PRKCE: variants seen among roughly 807,000 people sequenced by gnomAD.
The protein encoded by PRKCE is protein kinase C epsilon.
A neutral mutation model predicts 85.4 loss-of-function variants in PRKCE; 16 were observed. That is an observed-to-expected ratio of 0.19 (90% CI 0.13 to 0.28). PRKCE has a LOEUF of 0.28. Among genes scored for constraint, PRKCE ranks in the 10% least tolerant of loss-of-function variants. The probability of loss-of-function intolerance (pLI) is 1.00; values close to 1 mark genes in which losing one functional copy is unlikely to be tolerated. For synonymous variants in PRKCE, 388 were observed against 371.5 expected (o/e 1.04, Z -0.51); for missense variants, 573 against 975.2 (o/e 0.59, Z 5.49).
chr2:46,136,203 G>C (rs974688892), intron 11 of PRKCE, among the ~76,000 whole-genome samples: 1 of 152,154 alleles, frequency 6.6e-6, no homozygotes, highest in African/African-American at 2.4e-5. Flanking sequence ...TTGCATGCCA[G>C]GGAAGTGAGG....
At chr2:46,060,361 C>G (rs1666987279) in intron 10 of PRKCE, among the ~76,000 whole-genome samples, 1 of 152,138 alleles carries the variant, frequency 6.6e-6, no homozygotes, top group Non-Finnish European at 1.5e-5. Context: ...AGAACCTGCA[C>G]AAGAGAGAAG....
At chr2:45,812,127 C>G (rs1158721492) in intron 1 of PRKCE, among the ~76,000 whole-genome samples, 1 of 152,224 alleles carries the variant, frequency 6.6e-6, no homozygotes, top group Non-Finnish European at 1.5e-5. Context: ...CACCCCACCT[C>G]TCTGAGTAAA....
At chr2:45,940,894 A>T (rs191002512) in intron 2 of PRKCE, among the ~76,000 whole-genome samples, 21 of 85,570 alleles carry the variant, frequency 2.5e-4, no homozygotes, top group African/African-American at 9.3e-4. Context: ...CCCCATCTCT[A>T]TTAAAAATAC....
chr2:45,827,055 C>T (rs1573512283), intron 1 of PRKCE, among the ~76,000 whole-genome samples: 2 of 152,334 alleles, frequency 1.3e-5, no homozygotes, highest in Middle Eastern at 6.8e-3. Context: ...TCTGGCTTCC[C>T]ATCTCACTCA....
At chr2:45,902,422 G>T (rs964325164) in intron 2 of PRKCE, among the ~76,000 whole-genome samples, 1 of 152,210 alleles carries the variant, frequency 6.6e-6, no homozygotes, top group African/African-American at 2.4e-5. Context: ...GGAGGATATT[G>T]CCCACAGGTA....
At chr2:45,790,520 A>T (rs1316537008) in intron 1 of PRKCE, among the ~76,000 whole-genome samples, 1 of 152,158 alleles carries the variant, frequency 6.6e-6, no homozygotes, top group Non-Finnish European at 1.5e-5. Context: ...TATGTGACTG[A>T]GTGGCTGCTC....
At chr2:45,711,919 G>A (rs768231541) in intron 1 of PRKCE, among the ~76,000 whole-genome samples, 14 of 152,010 alleles carry the variant, frequency 9.2e-5, no homozygotes, top group Non-Finnish European at 1.6e-4. Flanking sequence ...CAACACGCCC[G>A]GCCTCCATTA....
chr2:45,773,340 T>C (rs1030102231), intron 1 of PRKCE, among the ~76,000 whole-genome samples: 6 of 152,144 alleles, frequency 3.9e-5, no homozygotes, highest in Admixed American at 3.9e-4. Flanking sequence ...GAGATGATGA[T>C]GGCCGAAGTA....
At chr2:45,979,178 A>G (rs1180775178) in intron 4 of PRKCE, among the ~76,000 whole-genome samples, 168 bp downstream of exon 4, 1 of 152,200 alleles carries the variant, frequency 6.6e-6, no homozygotes, top group Non-Finnish European at 1.5e-5. Context: ...GGGAATATAT[A>G]TGGGAGGCAT....
intron 14 of PRKCE, among the ~76,000 whole-genome samples, chr2:46,168,324 AC>A (rs1406016772): frequency 1.3e-5 from 2 of 152,112 alleles, no homozygotes. Flanking sequence ...CATACAACTC[AC>A]CTGGGAGCAT....
chr2:46,172,961 T>C lies in PRKCE; in HGVS notation c.2068-11774T>C, dbSNP rs574150681. ...TTAACTTAGTGGTATCACTACCCCC[T>C]TGGAGAATCTGATACAGTAAACTCT... On this transcript the variant is annotated intron_variant, in intron 14 of 14. Transcript: ENST00000306156. Among the ~76,000 whole-genome samples the C allele has an allele frequency of 2.6e-5, 4 of 152,318 alleles. No homozygotes were observed. In the East Asian group the frequency reaches 7.7e-4, roughly 29 times the overall value.
At chr2:46,039,605 A>G (rs1277929656) in intron 10 of PRKCE, among the ~76,000 whole-genome samples, 1 of 152,138 alleles carries the variant, frequency 6.6e-6, no homozygotes, top group Admixed American at 6.5e-5. Context: ...TATTAAAAAA[A>G]AAATTAAATT....
intron 11 of PRKCE, among the ~76,000 whole-genome samples, chr2:46,115,791 CA>C (rs768765417): frequency 4.5e-4 from 69 of 152,326 alleles, no homozygotes; most frequent in African/African-American, 1.6e-3. Context: ...ATTAGCACCC[CA>C]TCACAGAGGG....
At position 45,741,534 on chromosome 2, in the gene PRKCE, C is replaced by T. The variant is rs959962156; in HGVS notation, c.348+89086C>T. ...AGAAACCAGCAATGCTCTGGTGGAA[C>T]GAGGTCTGTTCTCCACGTCTGACAC... On this transcript the variant is annotated intron_variant, in intron 1 of 14. Coordinates refer to ENST00000306156, the MANE Select transcript of PRKCE (RefSeq NM_005400.3). Among the ~76,000 whole-genome samples, 5 of 152,324 alleles carry T rather than the reference C, an allele frequency of 3.3e-5. No homozygotes were observed. In the South Asian group the frequency reaches 8.3e-4, roughly 25 times the overall value.
chr2:45,676,329 G>A (rs1310340473), intron 1 of PRKCE: 1 of 152,238 alleles, frequency 6.6e-6, no homozygotes, highest in East Asian at 1.9e-4. Context: ...GTATTCTAGT[G>A]ATTGAAGTGT....
intron 12 of PRKCE, among the ~76,000 whole-genome samples, chr2:46,147,583 G>A (rs749922256): frequency 4.6e-5 from 7 of 152,186 alleles, no homozygotes; most frequent in African/African-American, 1.2e-4. Context: ...CGTGCCCACC[G>A]TGCAGAAACA....
intron 1 of PRKCE, among the ~76,000 whole-genome samples, chr2:45,832,434 T>TC (rs1690507763): frequency 6.6e-6 from 1 of 151,594 alleles, no homozygotes; most frequent in Non-Finnish European, 1.5e-5. Flanking sequence ...TGCCTCAGCC[T>TC]CCCTAGTAGC....
At chr2:45,789,598 T>C (rs185498205) in intron 1 of PRKCE, among the ~76,000 whole-genome samples, 4 of 152,190 alleles carry the variant, frequency 2.6e-5, no homozygotes, top group Non-Finnish European at 4.4e-5. Context: ...GCCACTGCAC[T>C]CCAGCCTGGG....
intron 2 of PRKCE, among the ~76,000 whole-genome samples, chr2:45,908,040 A>G (rs1450828054): frequency 1.3e-5 from 2 of 152,080 alleles, no homozygotes; most frequent in Non-Finnish European, 1.5e-5. Context: ...AAGACCTTTG[A>G]GGCATTTTCC....
Sources: allele counts gnomAD v4.1 joint callset (sites outside exome capture counted in the v4.1 genomes callset), GRCh38; gene constraint gnomAD v4.1.1; transcripts MANE v1.5; gene names NCBI Gene and HGNC (gene_info 2026-07-23, HGNC 2026-07-21).